Variants in RBFOX1 observed in about 807,000 individuals in gnomAD.
RBFOX1 encodes RNA binding protein fox-1 homolog 1.
Under a neutral mutation model 57.7 loss-of-function variants are expected in RBFOX1, and 8 were observed. The observed-to-expected ratio is 0.14, with a 90% confidence interval of 0.08 to 0.25. RBFOX1 has a LOEUF of 0.25. Among genes scored for constraint, RBFOX1 ranks in the 10% least tolerant of loss-of-function variants. RBFOX1 has a pLI of 1.00. For synonymous variants in RBFOX1, 326 were observed against 222.4 expected (o/e 1.47, Z -4.15); for missense variants, 611 against 548.5 (o/e 1.11, Z -1.14).
chr16:5,320,693 T>C (rs1424774337), intron 1 of RBFOX1, among the ~76,000 whole-genome samples: 1 of 152,198 alleles, frequency 6.6e-6, no homozygotes, highest in Non-Finnish European at 1.5e-5. Context: ...GGGAATCTTC[T>C]TGTGTGACTG....
At chr16:6,157,670 T>TTA (rs752076306) in intron 1 of RBFOX1, among the ~76,000 whole-genome samples, 2 of 152,074 alleles carry the variant, frequency 1.3e-5, no homozygotes, top group Non-Finnish European at 2.9e-5. Context: ...TAAATACAAG[T>TTA]TATATATATA....
At chr16:5,713,156 C>A (rs2051558286) in intron 3 of RBFOX1, among the ~76,000 whole-genome samples, 1 of 152,164 alleles carries the variant, frequency 6.6e-6, no homozygotes, top group Non-Finnish European at 1.5e-5. Context: ...TTCTGGATTT[C>A]TTGTTCTGTG....
intron 3 of RBFOX1, among the ~76,000 whole-genome samples, chr16:5,727,922 A>C (rs567521897): frequency 6.6e-6 from 1 of 152,308 alleles, no homozygotes; most frequent in Non-Finnish European, 1.5e-5. Flanking sequence ...CCTGGCCTCA[A>C]GTGGTCCTTC....
intron 3 of RBFOX1, among the ~76,000 whole-genome samples, chr16:6,826,515 T>TAAGTGGC (rs771800234): frequency 2.6e-5 from 4 of 152,178 alleles, no homozygotes; most frequent in Non-Finnish European, 4.4e-5. Flanking sequence ...AAGCGTTCCA[T>TAAGTGGC]AAGTGGCAGT....
At chr16:7,386,808 C>T (rs926564036) in intron 4 of RBFOX1, among the ~76,000 whole-genome samples, 1 of 152,150 alleles carries the variant, frequency 6.6e-6, no homozygotes, top group Non-Finnish European at 1.5e-5. Context: ...GCCACACTGT[C>T]TTCCACAATG....
At chr16:6,627,118 C>T (rs976941968) in intron 2 of RBFOX1, among the ~76,000 whole-genome samples, 37 of 152,156 alleles carry the variant, frequency 2.4e-4, no homozygotes, top group African/African-American at 5.8e-4. Flanking sequence ...TCCTATTGTG[C>T]CTCCCAAAGC....
intron 4 of RBFOX1, among the ~76,000 whole-genome samples, chr16:7,214,575 T>C (rs991254214): frequency 6.6e-5 from 10 of 152,032 alleles, no homozygotes; most frequent in African/African-American, 2.4e-4. Flanking sequence ...CTAGCTGTGC[T>C]CCTACCTCAT....
chr16:5,897,323 C>G (rs1247501451), intron 4 of RBFOX1, among the ~76,000 whole-genome samples: 1 of 152,192 alleles, frequency 6.6e-6, no homozygotes, highest in African/African-American at 2.4e-5. Flanking sequence ...GCGTGAGCCA[C>G]CGCGCCCGGC....
intron 3 of RBFOX1, among the ~76,000 whole-genome samples, chr16:5,739,489 G>A (rs1275546879): frequency 6.6e-6 from 1 of 152,212 alleles, no homozygotes; most frequent in Non-Finnish European, 1.5e-5. Context: ...CGGGAGAAAA[G>A]AAAGCATAAG....
intron 2 of RBFOX1, among the ~76,000 whole-genome samples, chr16:6,461,894 G>T (rs1435588866): frequency 6.6e-6 from 1 of 152,082 alleles, no homozygotes. Flanking sequence ...ATTTAATTAT[G>T]CTTTGTTAAA....
intron 1 of RBFOX1, among the ~76,000 whole-genome samples, chr16:6,311,507 T>A (rs79576448): frequency 0.02 from 3,008 of 152,262 alleles, 114 homozygotes; most frequent in African/African-American, 0.069. Context: ...TATTCCATGC[T>A]GTCCTCACTG....
At chr16:7,241,376 C>A (rs1011291589) in intron 4 of RBFOX1, among the ~76,000 whole-genome samples, 10 of 152,126 alleles carry the variant, frequency 6.6e-5, no homozygotes, top group Admixed American at 1.3e-4. Context: ...GCATGTGATT[C>A]CCTGTAGGAT....
intron 1 of RBFOX1, among the ~76,000 whole-genome samples, chr16:6,090,875 C>T (rs1455779427): frequency 1.3e-5 from 2 of 152,288 alleles, no homozygotes; most frequent in South Asian, 2.1e-4. Context: ...TTGGTCACTA[C>T]ATTATCCTGC....
At chr16:7,293,195 T>C (rs1304773883) in intron 4 of RBFOX1, among the ~76,000 whole-genome samples, 4 of 152,218 alleles carry the variant, frequency 2.6e-5, no homozygotes, top group Non-Finnish European at 2.9e-5. Context: ...GTGCTAAACA[T>C]GTGCAGACAC....
chr16:5,344,076 T>C (rs1285984676), intron 1 of RBFOX1, among the ~76,000 whole-genome samples: 1 of 152,210 alleles, frequency 6.6e-6, no homozygotes, highest in Non-Finnish European at 1.5e-5. Flanking sequence ...AATCCTATTC[T>C]CGTTTTCGGA....
At chr16:6,299,990 A>C (rs981439668) in intron 1 of RBFOX1, among the ~76,000 whole-genome samples, 1 of 152,240 alleles carries the variant, frequency 6.6e-6, no homozygotes, top group African/African-American at 2.4e-5. Context: ...TCACATGTAC[A>C]ATGGGATACC....
At chr16:5,347,267 C>T (rs767641394) in intron 1 of RBFOX1, among the ~76,000 whole-genome samples, 4 of 152,094 alleles carry the variant, frequency 2.6e-5, no homozygotes, top group Non-Finnish European at 5.9e-5. Flanking sequence ...GGGATTTTTG[C>T]TTATACATTC....
chr16:7,707,369 A>G (rs780326823), intron 14 of RBFOX1, among the ~76,000 whole-genome samples: 13 of 152,138 alleles, frequency 8.5e-5, no homozygotes, highest in Non-Finnish European at 1.9e-4. Flanking sequence ...TCTACCAACC[A>G]TGAGAAAGCT....
At chr16:6,694,703 A>G (rs59809389) in intron 3 of RBFOX1, among the ~76,000 whole-genome samples, 8,720 of 152,214 alleles carry the variant, frequency 0.057, 665 homozygotes, top group East Asian at 0.4. Context: ...CACCAGCTCT[A>G]TCATATCCTC....
Sources: allele counts gnomAD v4.1 joint callset (sites outside exome capture counted in the v4.1 genomes callset), GRCh38; gene constraint gnomAD v4.1.1; transcripts MANE v1.5; gene names NCBI Gene and HGNC (gene_info 2026-07-23, HGNC 2026-07-21).